SI: variants seen among roughly 807,000 people sequenced by gnomAD.
The protein encoded by SI is sucrase-isomaltase, intestinal.
SI carries 235 observed loss-of-function variants against 253.3 expected under a neutral mutation model. The observed-to-expected ratio is 0.93, with a 90% CI of 0.83 to 1.03. The LOEUF (loss-of-function observed/expected upper bound fraction) is 1.03. Ranked by LOEUF, SI falls within the 50% of genes least tolerant of loss-of-function variation. The pLI is 0.00. For missense variants in SI, 2,442 were observed against 2,211.1 expected, an observed-to-expected ratio of 1.10 and a Z score of -2.09; for synonymous variants, 819 against 712.0, an observed-to-expected ratio of 1.15 and a Z score of -2.39.
rs180998809 is a variant in SI, at chr3:165,006,392, G to A, written c.4406+424C>T. Among the ~76,000 whole-genome samples the A allele has an allele frequency of 2.9e-3, 439 of 152,286 alleles. 5 individuals carry two copies. The highest frequency in any genetic ancestry group is 0.01 in the African/African-American group (420 of 41,560). ...CCCAAAGTGCTGGGATTACAGGCGT[G>A]AGCCACTGTGCCTGGGCTGACAATG... On this transcript the variant is annotated intron_variant, in intron 37 of 47. Coordinates refer to ENST00000264382, the MANE Select transcript of SI (RefSeq NM_001041.4).
intron 13 of SI, among the ~76,000 whole-genome samples, chr3:165,053,472 A>C (rs1306251997): frequency 6.6e-6 from 1 of 152,196 alleles, no homozygotes; most frequent in Non-Finnish European, 1.5e-5. Context: ...GCAAGTAGAT[A>C]AGTAATAGCT....
At chr3:165,040,101 C>T in intron 18 of SI, 130 bp from the exon 19 acceptor site, 1 of 741,322 alleles carries the variant, frequency 1.3e-6, no homozygotes. Context: ...TTTCAGATGA[C>T]ATTTTCAATT....
chr3:165,032,556 G>A lies in SI; in HGVS notation c.2702C>T (p.Ala901Val), dbSNP rs1405462436. The change falls in exon 24 of 48, where the codon GCT (alanine) becomes GTT (valine). Residue 901 changes from alanine to valine, a missense_variant. Transcript: ENST00000264382. ...RVAENNQPMN[A>V]HSNFTYDASN... ...AGCATCATAAGTGAAATTGGAATGA[G>A]CGTTCATTGGTTGATTATTTTCCGC... is the stretch of plus-strand genomic sequence containing the variant. 1.9e-6 allele frequency: 3 copies of A among 1,608,778 alleles called. No individual in the cohort carries two copies. The South Asian group carries it at 3.3e-5, about 18-fold the overall frequency.
At chr3:165,062,629 A>G in intron 8 of SI, 146 bp from the exon 9 acceptor site, 1 of 583,176 alleles carries the variant, frequency 1.7e-6, no homozygotes, top group Non-Finnish European at 3.1e-6. Flanking sequence ...TATTGAATGC[A>G]GGAATAACAT....
At chr3:165,038,552 A>T (rs1377543162) in intron 20 of SI, among the ~76,000 whole-genome samples, 1 of 78,514 alleles carries the variant, frequency 1.3e-5, no homozygotes, top group Non-Finnish European at 3.2e-5. Flanking sequence ...TACTAAAAAA[A>T]AATTCAAAAA....
At chr3:165,036,969 G>GT (rs1712568151) in intron 21 of SI, among the ~76,000 whole-genome samples, 3 of 151,098 alleles carry the variant, frequency 2.0e-5, no homozygotes, top group African/African-American at 7.3e-5. Context: ...CAAGAAATAT[G>GT]GTTTTTTTTT....
chr3:165,067,738 T>A (rs2108098073), intron 5 of SI, among the ~76,000 whole-genome samples: 1 of 152,088 alleles, frequency 6.6e-6, no homozygotes, highest in Admixed American at 6.6e-5. Context: ...AAGTACAGAT[T>A]TTTATTGACT....
intron 12 of SI, among the ~76,000 whole-genome samples, chr3:165,056,945 A>C (rs115161950): frequency 0.016 from 2,450 of 152,112 alleles, 71 homozygotes; most frequent in African/African-American, 0.057. Flanking sequence ...AAACATCCAC[A>C]AGAATCAAGA....
Position 165,006,971 on chromosome 3 carries a change from A to T in SI, c.4268-17T>A, listed in dbSNP as rs901304883. 3 of 1,547,760 alleles carry T rather than the reference A, an allele frequency of 1.9e-6. No individual in the cohort carries two copies. In the African/African-American group the frequency reaches 4.1e-5, roughly 21 times the overall value. ...TTGTGAGTTCTGGAAAGAATCAATGAAAAAATATTAATATATTATACAGTG... is the reference window on the plus strand; with the variant it reads ...TTGTGAGTTCTGGAAAGAATCAATGTAAAAATATTAATATATTATACAGTG... On this transcript the variant is annotated splice_polypyrimidine_tract_variant and intron_variant, in intron 36 of 47. Coordinates refer to ENST00000264382, the MANE Select transcript of SI (RefSeq NM_001041.4).
chr3:165,009,582 TC>T (rs113832017), intron 34 of SI, among the ~76,000 whole-genome samples, 187 bp from the exon 35 acceptor site: 9,030 of 152,162 alleles, frequency 0.059, 877 homozygotes, highest in African/African-American at 0.21. Flanking sequence ...AAGAGGGACA[TC>T]GGTGGAGATA....
In SI at chr3:164,992,299, G is replaced by T; in HGVS notation, c.4926+14C>A. 6.2e-7 allele frequency: 1 copy of T among 1,611,844 alleles called. No individual in the cohort carries two copies. The highest frequency in any genetic ancestry group is 8.5e-7 in the Non-Finnish European group (1 of 1,178,102). ...AAGAAAATTGTGTAAACAAAAATAT[G>T]TGGTAGGACTTACAGGTTCCAGTAC... On this transcript the variant is annotated intron_variant, in intron 42 of 47. Coordinates refer to ENST00000264382, the MANE Select transcript of SI (RefSeq NM_001041.4).
chr3:164,984,984 T>C (rs1349895771), intron 45 of SI, among the ~76,000 whole-genome samples: 15 of 152,164 alleles, frequency 9.9e-5, no homozygotes, highest in African/African-American at 3.4e-4. Context: ...TACTAAATTA[T>C]ACCAAATATA....
intron 9 of SI, 82 bp from the exon 10 acceptor site, chr3:165,060,109 T>A: frequency 8.6e-7 from 1 of 1,167,198 alleles, no homozygotes; most frequent in Non-Finnish European, 1.3e-6. Context: ...GTGCCTCTTA[T>A]TTTCTTATAT....
chr3:165,079,315 C>T (rs1306402669), upstream of SI, among the ~76,000 whole-genome samples: 1 of 151,548 alleles, frequency 6.6e-6, no homozygotes, highest in Non-Finnish European at 1.5e-5. Context: ...TTATTATTGA[C>T]CCCAATTTGA....
intron 15 of SI, among the ~76,000 whole-genome samples, chr3:165,048,115 A>C: frequency 6.6e-6 from 1 of 152,218 alleles, no homozygotes; most frequent in Admixed American, 6.5e-5. Flanking sequence ...ACAGTGGTTA[A>C]GAGTTCTGGT....
chr3:165,065,314 C>T lies in SI; in HGVS notation c.754G>A (p.Asp252Asn). The T allele has an allele frequency of 6.2e-7, 1 of 1,608,464 alleles. No homozygotes were observed. The highest frequency in any genetic ancestry group is 8.5e-7 in the Non-Finnish European group (1 of 1,176,322). Residue 252 changes from aspartate (D) to asparagine (N), a missense_variant, in exon 7 of 48, where the codon GAT becomes AAT. Asp to Asn is a conservative substitution (Grantham distance 23). Transcript: ENST00000264382. Reference protein sequence around the residue: ...GEQVHKRFRHDLSWKTWPIFT... With the variant: ...GEQVHKRFRHNLSWKTWPIFT... Reference sequence around the variant, plus strand: ...ATTGGCCATGTTTTCCAGGATAAATCATGACGAAATCTCTTATGAACTTGT... The same window carrying T: ...ATTGGCCATGTTTTCCAGGATAAATTATGACGAAATCTCTTATGAACTTGT...
At chr3:165,063,879 G>A (rs543592108) in intron 7 of SI, among the ~76,000 whole-genome samples, 2 of 148,986 alleles carry the variant, frequency 1.3e-5, no homozygotes, top group South Asian at 4.2e-4. Flanking sequence ...AACCATCCTG[G>A]CTAACATGAT....
rs1281907067 is a variant in SI at position 164,996,776 on chromosome 3, A to G, written c.4541-4T>C. The G allele has an allele frequency of 1.0e-6, 1 of 999,418 alleles. No homozygotes were observed. The highest frequency in any genetic ancestry group is 2.0e-5 in the Admixed American group (1 of 50,140). 61.9% of individuals were successfully genotyped at this position (999,418 alleles called of 1,614,324 possible). Reference sequence around the variant, plus strand: ...AACAGACTAAATTCCATCATACCTGAAAAAGTTAGAAAAAATATCTTAGAA... The same window carrying G: ...AACAGACTAAATTCCATCATACCTGGAAAAGTTAGAAAAAATATCTTAGAA... On this transcript the variant is annotated splice_region_variant and splice_polypyrimidine_tract_variant and intron_variant, in intron 38 of 47. Transcript: ENST00000264382.
chr3:165,046,125 C>T (rs1018746154), intron 16 of SI, among the ~76,000 whole-genome samples: 1 of 151,954 alleles, frequency 6.6e-6, no homozygotes, highest in African/African-American at 2.4e-5. Flanking sequence ...GCCACCTTGT[C>T]CAGCCTATTT....
Sources: gnomAD v4.1 joint callset for allele counts (sites outside exome capture counted in the v4.1 genomes callset) on GRCh38, gnomAD v4.1.1 for gene constraint, MANE v1.5 for transcripts, NCBI Gene and HGNC (gene_info 2026-07-23, HGNC 2026-07-21) for gene names.